The following LRP1B variants were observed in gnomAD, a reference collection of about 807,000 sequenced individuals.
LRP1B encodes the protein LDL receptor related protein 1B, also known as low-density lipoprotein receptor-related protein 1B.
LRP1B carries 217 observed loss-of-function variants against 556.6 expected under a neutral mutation model. That is an observed-to-expected ratio of 0.39 (90% CI 0.35 to 0.44). The LOEUF (loss-of-function observed/expected upper bound fraction) is 0.44. Ranked by LOEUF, LRP1B falls within the 20% of genes least tolerant of loss-of-function variation. The pLI is 1.00. For synonymous variants in LRP1B, 2,047 were observed against 1,865.8 expected (o/e 1.10, Z -2.50); for missense variants, 5,053 against 5,620.8 (o/e 0.90, Z 3.23).
At chr2:140,342,840 A>C (rs547873026) in intron 77 of LRP1B, among the ~76,000 whole-genome samples, 1 of 151,762 alleles carries the variant, frequency 6.6e-6, no homozygotes, top group African/African-American at 2.4e-5. Flanking sequence ...AAAGTATTAA[A>C]AGAAAGAATA....
chr2:140,964,930 G>C (rs1347493304), intron 18 of LRP1B, among the ~76,000 whole-genome samples: 2 of 152,070 alleles, frequency 1.3e-5, no homozygotes, highest in Non-Finnish European at 2.9e-5. Flanking sequence ...CTCCAGCCTG[G>C]GTGAAAGAGC....
intron 5 of LRP1B, among the ~76,000 whole-genome samples, chr2:141,245,795 A>C (rs1390314886): frequency 6.6e-6 from 1 of 152,194 alleles, no homozygotes; most frequent in Non-Finnish European, 1.5e-5. Flanking sequence ...GGCAGTTTTG[A>C]AACATGAAAT....
chr2:141,610,022 G>A (rs1046992830), intron 2 of LRP1B, among the ~76,000 whole-genome samples: 7 of 152,090 alleles, frequency 4.6e-5, no homozygotes, highest in East Asian at 3.8e-4. Context: ...CAGATCATTC[G>A]AATTCTATCA....
intron 2 of LRP1B, among the ~76,000 whole-genome samples, chr2:141,654,206 G>A (rs889803387): frequency 1.2e-4 from 18 of 152,166 alleles, no homozygotes; most frequent in Non-Finnish European, 1.9e-4. Context: ...AGGTAAATAC[G>A]TCGAAATATT....
At chr2:141,726,543 T>C (rs761694396) in intron 2 of LRP1B, among the ~76,000 whole-genome samples, 1 of 152,022 alleles carries the variant, frequency 6.6e-6, no homozygotes, top group Non-Finnish European at 1.5e-5. Flanking sequence ...AACATTGTAA[T>C]CCATTTTAAA....
At chr2:140,822,685 C>A (rs148060087) in intron 31 of LRP1B, among the ~76,000 whole-genome samples, 5 of 152,248 alleles carry the variant, frequency 3.3e-5, no homozygotes, top group East Asian at 1.9e-4. Flanking sequence ...TAGGAGTAAG[C>A]CAGTTCTGGA....
chr2:141,613,546 A>T (rs1029200394), intron 2 of LRP1B, among the ~76,000 whole-genome samples: 2 of 152,106 alleles, frequency 1.3e-5, no homozygotes, highest in Non-Finnish European at 2.9e-5. Context: ...AGTGGCATAT[A>T]CCTGTACTCT....
At chr2:140,755,010 A>G (rs1243771607) in intron 35 of LRP1B, among the ~76,000 whole-genome samples, 1 of 133,078 alleles carries the variant, frequency 7.5e-6, no homozygotes, top group African/African-American at 2.9e-5. Flanking sequence ...CAGTAGATAC[A>G]GAAATAAAAA....
chr2:140,775,292 T>C (rs1344988031), intron 33 of LRP1B, among the ~76,000 whole-genome samples: 1 of 151,980 alleles, frequency 6.6e-6, no homozygotes, highest in East Asian at 1.9e-4. Context: ...GGTTTTCTAT[T>C]ATTACCCCTG....
chr2:140,952,619 T>C (rs994488203), intron 18 of LRP1B, among the ~76,000 whole-genome samples: 4 of 152,114 alleles, frequency 2.6e-5, no homozygotes, highest in Non-Finnish European at 2.9e-5. Context: ...AACCTTTAGA[T>C]AATTACAACA....
At chr2:141,089,883 A>G (rs1020564233) in intron 7 of LRP1B, among the ~76,000 whole-genome samples, 1 of 152,242 alleles carries the variant, frequency 6.6e-6, no homozygotes, top group Non-Finnish European at 1.5e-5. Context: ...TCACCAAAGA[A>G]GTGATAACAG....
intron 3 of LRP1B, among the ~76,000 whole-genome samples, chr2:141,356,903 G>A (rs2105553942): frequency 6.6e-6 from 1 of 152,192 alleles, no homozygotes; most frequent in East Asian, 1.9e-4. Flanking sequence ...ACCAACTGTA[G>A]AGGTTAAAAC....
At chr2:140,549,328 C>G (rs1360012218) in intron 43 of LRP1B, among the ~76,000 whole-genome samples, 1 of 152,056 alleles carries the variant, frequency 6.6e-6, no homozygotes, top group African/African-American at 2.4e-5. Context: ...ATAATCTTGC[C>G]ACACGGATAT....
chr2:140,767,714 T>C (rs1013949869), intron 35 of LRP1B, among the ~76,000 whole-genome samples: 1 of 151,842 alleles, frequency 6.6e-6, no homozygotes, highest in Non-Finnish European at 1.5e-5. Context: ...TAGTTACATA[T>C]GTATACATGT....
At chr2:142,090,806 T>C (rs1425347300) in intron 1 of LRP1B, among the ~76,000 whole-genome samples, 1 of 152,138 alleles carries the variant, frequency 6.6e-6, no homozygotes, top group South Asian at 2.1e-4. Flanking sequence ...TAAGTGGATA[T>C]ATAGTTTCCA....
At chr2:140,791,272 C>A (rs1690110588) in intron 32 of LRP1B, among the ~76,000 whole-genome samples, 1 of 151,264 alleles carries the variant, frequency 6.6e-6, no homozygotes, top group South Asian at 2.1e-4. Flanking sequence ...CAAAACAAAA[C>A]AAAAAAACCA....
At chr2:141,079,575 G>C (rs1699873957) in intron 7 of LRP1B, among the ~76,000 whole-genome samples, 1 of 152,148 alleles carries the variant, frequency 6.6e-6, no homozygotes, top group Admixed American at 6.5e-5. Flanking sequence ...GCTCTGAAAA[G>C]CCTTAATCTT....
intron 4 of LRP1B, among the ~76,000 whole-genome samples, chr2:141,250,406 A>C (rs1346328868): frequency 6.6e-6 from 1 of 152,156 alleles, no homozygotes; most frequent in Non-Finnish European, 1.5e-5. Flanking sequence ...ACTCTTGAAC[A>C]AACAGGCTTG....
At chr2:141,930,707 G>A (rs1373836128) in intron 1 of LRP1B, among the ~76,000 whole-genome samples, 2 of 151,972 alleles carry the variant, frequency 1.3e-5, no homozygotes. Context: ...AAAGGTATTT[G>A]ATTCTTCTTA....
Sources: allele counts gnomAD v4.1 joint callset (sites outside exome capture counted in the v4.1 genomes callset), GRCh38; gene constraint gnomAD v4.1.1; transcripts MANE v1.5; gene names NCBI Gene and HGNC (gene_info 2026-07-23, HGNC 2026-07-21).